The following RNF11 variants were observed in gnomAD, a reference collection of about 807,000 sequenced individuals.
RNF11 encodes the protein ring finger protein 11.
Under a neutral mutation model 15.8 loss-of-function variants are expected in RNF11, and 4 were observed. The observed-to-expected ratio is 0.25, with a 90% CI of 0.12 to 0.58. The LOEUF (loss-of-function observed/expected upper bound fraction) is 0.58. Among genes scored for constraint, RNF11 ranks in the 20% least tolerant of loss-of-function variants. The probability of loss-of-function intolerance (pLI) is 0.91; values close to 1 mark genes in which losing one functional copy is unlikely to be tolerated. For missense variants in RNF11, 139 were observed against 194.4 expected, an observed-to-expected ratio of 0.71 and a Z score of 1.70; for synonymous variants, 68 against 72.3, an observed-to-expected ratio of 0.94 and a Z score of 0.30.
In RNF11 at chr1:51,236,728, C is replaced by T. The variant is rs1646804681; in HGVS notation, c.-29C>T. 1.2e-6 allele frequency: 2 copies of T among 1,608,536 alleles called. No homozygotes were observed. The highest frequency in any genetic ancestry group is 1.7e-5 in the Admixed American group (1 of 59,410). Reference sequence around the variant, plus strand: ...ACGACCCCACCGCTGCTTTCTCCTCCCCCAGATCACGCACCCCAGCTCCGG... The same window carrying T: ...ACGACCCCACCGCTGCTTTCTCCTCTCCCAGATCACGCACCCCAGCTCCGG... On this transcript the variant is annotated 5_prime_UTR_variant, in exon 1 of 3. Coordinates refer to ENST00000242719, the MANE Select transcript of RNF11 (RefSeq NM_014372.5).
rs7340084 is a variant in RNF11, at chr1:51,270,384, C to G, written c.293+259C>G. The stretch of plus-strand genomic sequence containing the variant: ...TCCCAGCACTTTGGGAGGCTGAGGT[C>G]GGGGGATCACTTGAGGCCAGGAGTT... On this transcript the variant is annotated intron_variant, in intron 2 of 2. Transcript: ENST00000242719. Among the ~76,000 whole-genome samples, 14,088 of 151,696 alleles carry G rather than the reference C, an allele frequency of 0.093. 956 individuals are homozygous for G. Among genetic ancestry groups the G allele is most frequent in the African/African-American group, 0.18 (7,633 of 41,328 alleles).
chr1:51,262,719 T>C (rs1646936333), intron 1 of RNF11, among the ~76,000 whole-genome samples: 3 of 144,060 alleles, frequency 2.1e-5, no homozygotes, highest in East Asian at 2.0e-4. Context: ...GCTAATCTTT[T>C]TTTTTTTTTT....
chr1:51,270,183 ATTTGCC>A, intron 2 of RNF11, 58 bp downstream of exon 2: 1 of 1,424,248 alleles, frequency 7.0e-7, no homozygotes, highest in Admixed American at 2.3e-5. Context: ...CTTTTGAAAA[ATTTGCC>A]TTTTCTCCTG....
chr1:51,267,753 T>C (rs1646961400), intron 1 of RNF11, among the ~76,000 whole-genome samples: 1 of 152,224 alleles, frequency 6.6e-6, no homozygotes, highest in Non-Finnish European at 1.5e-5. Context: ...GTTGTTAAGA[T>C]GGAGTCTCTC....
rs2148076551 is a variant in RNF11 at position 51,273,261 on chromosome 1, C to A, written c.*1939C>A. 6.6e-6 allele frequency: 1 copy of A among 152,160 alleles called. No individual in the cohort carries two copies. Among genetic ancestry groups the A allele is most frequent in the South Asian group, 2.1e-4 (1 of 4,826 alleles). 9.4% of individuals were successfully genotyped at this position (152,160 alleles called of 1,614,324 possible). A position where few individuals can be genotyped will look rare whatever the true frequency, so the allele number is the denominator to read the frequency against. On this transcript the variant is annotated 3_prime_UTR_variant, in exon 3 of 3. Transcript: ENST00000242719. ...AATGAACTTTTTTAAAAATCATCTT[C>A]CATGTTGCAGTTAGTCTTTCTTTTC...
At chr1:51,241,761 T>A (rs768273468) in intron 1 of RNF11, among the ~76,000 whole-genome samples, 5 of 152,152 alleles carry the variant, frequency 3.3e-5, no homozygotes, top group Non-Finnish European at 5.9e-5. Flanking sequence ...GCGAAGGCAA[T>A]CTTGGAAGGA....
chr1:51,262,696 A>C (rs1646936005), intron 1 of RNF11, among the ~76,000 whole-genome samples: 1 of 146,658 alleles, frequency 6.8e-6, no homozygotes. Flanking sequence ...ACAGGTGTGC[A>C]CTACCACCGC....
At chr1:51,239,695 G>A (rs565730189) in intron 1 of RNF11, among the ~76,000 whole-genome samples, 27 of 152,134 alleles carry the variant, frequency 1.8e-4, no homozygotes, top group Non-Finnish European at 2.9e-4. Context: ...GATTACAGGC[G>A]TTAGCTACCT....
chr1:51,261,980 G>A (rs1249570329), intron 1 of RNF11, among the ~76,000 whole-genome samples: 2 of 152,076 alleles, frequency 1.3e-5, no homozygotes, highest in Non-Finnish European at 2.9e-5. Context: ...TCAGACTCCC[G>A]AGCAGCTGGG....
intron 1 of RNF11, among the ~76,000 whole-genome samples, chr1:51,242,982 C>G (rs1443164497): frequency 6.6e-6 from 1 of 152,240 alleles, no homozygotes; most frequent in East Asian, 1.9e-4. Flanking sequence ...AGAAGTTCAG[C>G]CTTCTTATTG....
intron 1 of RNF11, among the ~76,000 whole-genome samples, chr1:51,262,297 CCTTT>C (rs1646933794): frequency 6.6e-6 from 1 of 152,098 alleles, no homozygotes; most frequent in African/African-American, 2.4e-5. Flanking sequence ...AAGTTGGGCC[CCTTT>C]CTTACTATAT....
chr1:51,263,585 T>C (rs1349866544), intron 1 of RNF11, among the ~76,000 whole-genome samples: 1 of 152,220 alleles, frequency 6.6e-6, no homozygotes, highest in Non-Finnish European at 1.5e-5. Context: ...TTTCAGACTC[T>C]TTCATTATAT....
intron 1 of RNF11, among the ~76,000 whole-genome samples, chr1:51,240,108 C>T (rs537317529): frequency 1.1e-3 from 174 of 152,286 alleles, no homozygotes; most frequent in Non-Finnish European, 2.1e-3. Flanking sequence ...ATGACAGTCT[C>T]CCCAACCCTC....
At chr1:51,248,598 T>C (rs72896473) in intron 1 of RNF11, among the ~76,000 whole-genome samples, 3,209 of 152,294 alleles carry the variant, frequency 0.021, 96 homozygotes, top group African/African-American at 0.065. Flanking sequence ...AGTTAAGGGA[T>C]AAGACATGAA....
At chr1:51,239,058 C>T (rs1271483470) in intron 1 of RNF11, among the ~76,000 whole-genome samples, 2 of 151,980 alleles carry the variant, frequency 1.3e-5, no homozygotes, top group Non-Finnish European at 2.9e-5. Context: ...ATCTCTTATG[C>T]TCCCTACCCT....
intron 1 of RNF11, chr1:51,251,336 G>A (rs541031649): frequency 4.6e-6 from 7 of 1,515,376 alleles, no homozygotes; most frequent in East Asian, 2.3e-5. Context: ...CGCGAGCTCC[G>A]CGGCCTCGGC....
At chr1:51,264,293 T>TATAC (rs1646944866) in intron 1 of RNF11, among the ~76,000 whole-genome samples, 1 of 77,662 alleles carries the variant, frequency 1.3e-5, no homozygotes, top group Non-Finnish European at 2.3e-5. Flanking sequence ...AAAAAATATA[T>TATAC]ATATATATAT....
chr1:51,257,511 A>T (rs577552375), intron 1 of RNF11, among the ~76,000 whole-genome samples: 1 of 152,102 alleles, frequency 6.6e-6, no homozygotes, highest in Non-Finnish European at 1.5e-5. Context: ...ATGGAATACA[A>T]TGGCACAATC....
At chr1:51,260,548 A>C (rs1332310120) in intron 1 of RNF11, among the ~76,000 whole-genome samples, 4 of 152,158 alleles carry the variant, frequency 2.6e-5, no homozygotes. Context: ...ACTGATTCAA[A>C]ATTATTATTA....
Sources: allele counts gnomAD v4.1 joint callset (sites outside exome capture counted in the v4.1 genomes callset), GRCh38; gene constraint gnomAD v4.1.1; transcripts MANE v1.5; gene names NCBI Gene and HGNC (gene_info 2026-07-23, HGNC 2026-07-21).